The following FAM193B variants were observed in gnomAD, a reference collection of about 807,000 sequenced individuals.
FAM193B encodes the protein protein FAM193B.
FAM193B carries 27 observed loss-of-function variants against 70.7 expected under a neutral mutation model. The ratio of observed to expected loss-of-function variants is 0.38; its 90% CI spans 0.28 to 0.53. The LOEUF (loss-of-function observed/expected upper bound fraction) is 0.53. Ranked by LOEUF, FAM193B falls within the 20% of genes least tolerant of loss-of-function variation. The pLI, the probability that FAM193B is intolerant of heterozygous loss-of-function variation, is 0.81. For synonymous variants in FAM193B, 448 were observed against 436.0 expected (o/e 1.03, Z -0.34); for missense variants, 1,022 against 1,072.5 (o/e 0.95, Z 0.66).
intron 1 of FAM193B, among the ~76,000 whole-genome samples, chr5:177,549,174 T>TGGA (rs1357513450): frequency 6.8e-6 from 1 of 148,046 alleles, no homozygotes; most frequent in Non-Finnish European, 1.5e-5. Context: ...CATGTAAGAC[T>TGGA]GGATTGTCTT....
Position 177,532,072 on chromosome 5 carries a change from G to A in FAM193B, c.1275+371C>T, listed in dbSNP as rs990876497. 2 of 1,296,956 alleles carry A rather than the reference G, an allele frequency of 1.5e-6. No individual in the cohort carries two copies. Among genetic ancestry groups the A allele is most frequent in the Non-Finnish European group, 1.0e-6 (1 of 994,296 alleles). The allele number at this position is 1,296,956 out of a possible 1,614,324, so 80.3% of individuals were successfully genotyped here. ...TGTCCCTCGGCTGGCTGTCACACTTGGGGGACTGAGAGCCTTTTTGCTTCC... is the reference window on the plus strand; with the variant it reads ...TGTCCCTCGGCTGGCTGTCACACTTAGGGGACTGAGAGCCTTTTTGCTTCC... On this transcript the variant is annotated intron_variant, in intron 5 of 8. Coordinates refer to ENST00000514747, the MANE Select transcript of FAM193B (RefSeq NM_001190946.3). The surrounding 1 kb of genome is among the most constrained non-coding windows in gnomAD (Gnocchi z 4.9).
At chr5:177,553,277 G>C (rs1286821752) in intron 1 of FAM193B, 1 of 987,108 alleles carries the variant, frequency 1.0e-6, no homozygotes. Flanking sequence ...AGAGCCAAAC[G>C]CATCTTCCGC....
At chr5:177,543,513 C>A (rs1202146578) in intron 1 of FAM193B, among the ~76,000 whole-genome samples, 1 of 152,192 alleles carries the variant, frequency 6.6e-6, no homozygotes, top group East Asian at 1.9e-4. Flanking sequence ...GTTTGAGGGG[C>A]CACCCCTAAA....
At chr5:177,553,447 C>T in intron 1 of FAM193B, 1 of 1,081,430 alleles carries the variant, frequency 9.2e-7, no homozygotes, top group South Asian at 2.3e-5. Context: ...CCTCCCAGAG[C>T]AACCGTGGCC....
At chr5:177,531,420 G>A in intron 5 of FAM193B, 2 of 1,361,922 alleles carry the variant, frequency 1.5e-6, no homozygotes, top group Non-Finnish European at 2.0e-6. Context: ...TCCCGCCCAG[G>A]GTGCCCCCCT....
At position 177,536,453 on chromosome 5, in the gene FAM193B, C is replaced by T. The variant is rs754533289; in HGVS notation, c.981G>A (p.Ser327=). ...MPLLKMPPPF[S]GCSHPCSGHC... The stretch of plus-strand genomic sequence containing the variant: ...GCCCGCTGCAGGGGTGGCTGCACCC[C>T]GAGAATGGTGGGGGCATCTTCAGGA... The change falls in exon 4 of 9, where the codon TCG becomes TCA. Residue 327 remains serine, a synonymous_variant. Transcript: ENST00000514747. 36 of 1,589,126 alleles carry T rather than the reference C, an allele frequency of 2.3e-5. No individual in the cohort carries two copies. The highest frequency in any genetic ancestry group is 8.2e-5 in the African/African-American group (6 of 73,426).
chr5:177,549,559 A>C (rs1289046722), intron 1 of FAM193B, among the ~76,000 whole-genome samples: 1 of 152,244 alleles, frequency 6.6e-6, no homozygotes, highest in Non-Finnish European at 1.5e-5. Context: ...GCCACTTAAT[A>C]GGGTCCAGGA....
chr5:177,542,005 C>G (rs1380144694), intron 1 of FAM193B, among the ~76,000 whole-genome samples: 1 of 152,208 alleles, frequency 6.6e-6, no homozygotes, highest in African/African-American at 2.4e-5. Context: ...CACAACCATC[C>G]TTTTCTTTCC....
intron 1 of FAM193B, among the ~76,000 whole-genome samples, chr5:177,541,140 A>G (rs1023158445): frequency 7.2e-5 from 11 of 152,364 alleles, no homozygotes; most frequent in African/African-American, 2.6e-4. Flanking sequence ...CTGCCAAGGG[A>G]ACATTTCAAT....
chr5:177,546,901 G>A (rs1307086590), intron 1 of FAM193B, among the ~76,000 whole-genome samples: 1 of 152,130 alleles, frequency 6.6e-6, no homozygotes, highest in Admixed American at 6.5e-5. Context: ...CACAAGGAGG[G>A]CCCAAGCCGC....
intron 1 of FAM193B, among the ~76,000 whole-genome samples, chr5:177,546,007 G>A (rs920246230): frequency 1.3e-5 from 2 of 151,952 alleles, no homozygotes; most frequent in African/African-American, 2.4e-5. Context: ...GGCAGGCAGA[G>A]GACAACACCA....
In FAM193B at chr5:177,554,432, G is replaced by A. The variant is rs1185407260; in HGVS notation, c.27C>T (p.Ser9=). Residue 9 remains serine (S), a synonymous_variant, in exon 1 of 9, where the codon AGC becomes AGT. Transcript: ENST00000514747. MTRRRSRP[S]GGAGRRERAR... ...CCCGCTCGCGCCTGCCCGCACCGCC[G>A]CTCGGCCTGCTCCGCCTCCGCGTCA... 1.9e-6 allele frequency: 2 copies of A among 1,068,134 alleles called. No homozygotes were observed. The highest frequency in any genetic ancestry group is 5.4e-5 in the Admixed American group (1 of 18,366). 66.2% of individuals were successfully genotyped at this position (1,068,134 alleles called of 1,614,324 possible). A position where few individuals can be genotyped will look rare whatever the true frequency, so the allele number is the denominator to read the frequency against.
chr5:177,521,649 T>G (rs1761758355), intron 8 of FAM193B, among the ~76,000 whole-genome samples: 1 of 152,144 alleles, frequency 6.6e-6, no homozygotes, highest in African/African-American at 2.4e-5. Context: ...CCTGGGCACT[T>G]TTGAAATCAG....
In FAM193B at chr5:177,524,299, G is replaced by C; in HGVS notation, c.2182C>G (p.Gln728Glu). Residue 728 changes from glutamine (Q) to glutamate (E), a missense_variant, in exon 6 of 9, where the codon CAG (glutamine) becomes GAG (glutamate). Physicochemically the swap from Gln to Glu is conservative, Grantham distance 29 (BLOSUM62 2). Transcript: ENST00000514747. ...GAGGGCTGCACAGACTCCTGCTCCT[G>C]AGGCCGTGCCTTGGCCTCGCCTGGC... ...NWPGEAKARP[Q>E]EQESVQPSGP... 6.3e-7 allele frequency: 1 copy of C among 1,586,140 alleles called. No individual in the cohort carries two copies. The highest frequency in any genetic ancestry group is 1.1e-5 in the South Asian group (1 of 87,282).
Position 177,554,235 on chromosome 5 carries a change from C to A in FAM193B, c.210+14G>T. The A allele has an allele frequency of 6.7e-7, 1 of 1,487,272 alleles. No homozygotes were observed. The highest frequency in any genetic ancestry group is 1.3e-5 in the South Asian group (1 of 79,532). 92.1% of individuals were successfully genotyped at this position (1,487,272 alleles called of 1,614,324 possible). Reference sequence around the variant, plus strand: ...AAGCGCCCGAGCCGCCGAAGTCTCCCCGCTCGCTCCTACCTGCGGGCCGGG... The same window carrying A: ...AAGCGCCCGAGCCGCCGAAGTCTCCACGCTCGCTCCTACCTGCGGGCCGGG... On this transcript the variant is annotated intron_variant, in intron 1 of 8. Coordinates refer to ENST00000514747, the MANE Select transcript of FAM193B (RefSeq NM_001190946.3).
Position 177,538,016 on chromosome 5 carries a change from G to A in FAM193B, c.545C>T (p.Ser182Phe). ...CGAGTTCCCAGGGCAGGAAGAGGAG[G>A]ACGAGGATGAGGATGATGAGGAGGA... ...SSSSSSSSSS[S>F]SSSCPGNSGD... The change falls in exon 3 of 9, where the codon TCC becomes TTC. Residue 182 changes from serine (S) to phenylalanine (F), a missense_variant. Coordinates refer to ENST00000514747, the MANE Select transcript of FAM193B (RefSeq NM_001190946.3). The surrounding 1 kb of genome is among the most constrained non-coding windows in gnomAD (Gnocchi z 4.1). 1 of 1,556,184 alleles carries A rather than the reference G, an allele frequency of 6.4e-7. No homozygotes were observed. Among genetic ancestry groups the A allele is most frequent in the Non-Finnish European group, 8.7e-7 (1 of 1,149,402 alleles).
Position 177,538,778 on chromosome 5 carries a change from C to G in FAM193B, c.453+127G>C. On this transcript the variant is annotated intron_variant, in intron 2 of 8. Coordinates refer to ENST00000514747, the MANE Select transcript of FAM193B (RefSeq NM_001190946.3). This position sits in a 1 kb window ranked among gnomAD's most constrained non-coding sequence, Gnocchi z 4.1. Reference sequence around the variant, plus strand: ...AGCTGCCAATGCTGTGCCAGTGCAGCCCAGAAGTCTCTCAGTGCCTGGGCA... The same window carrying G: ...AGCTGCCAATGCTGTGCCAGTGCAGGCCAGAAGTCTCTCAGTGCCTGGGCA... 1 of 1,305,740 alleles carries G rather than the reference C, an allele frequency of 7.7e-7. No homozygotes were observed. The highest frequency in any genetic ancestry group is 1.1e-6 in the Non-Finnish European group (1 of 947,766). 80.9% of individuals were successfully genotyped at this position (1,305,740 alleles called of 1,614,324 possible). A position where few individuals can be genotyped will look rare whatever the true frequency, so the allele number is the denominator to read the frequency against.
chr5:177,553,800 G>A, intron 1 of FAM193B: 1 of 1,287,118 alleles, frequency 7.8e-7, no homozygotes, highest in Non-Finnish European at 1.0e-6. Context: ...GCGGCTGCAG[G>A]CGCTGCAGGG....
At chr5:177,540,134 G>A (rs1309898114) in intron 1 of FAM193B, among the ~76,000 whole-genome samples, 3 of 151,686 alleles carry the variant, frequency 2.0e-5, no homozygotes, top group Admixed American at 1.3e-4. Flanking sequence ...GTGAAACCCC[G>A]TCTCCACTAA....
Sources: allele counts gnomAD v4.1 joint callset (sites outside exome capture counted in the v4.1 genomes callset), GRCh38; gene constraint gnomAD v4.1.1; non-coding constraint Gnocchi (gnomAD v3.1); transcripts MANE v1.5; gene names NCBI Gene and HGNC (gene_info 2026-07-23, HGNC 2026-07-21).